PCDHGB5: variants seen among roughly 807,000 people sequenced by gnomAD.
PCDHGB5 encodes protocadherin gamma subfamily B, 5.
Under a neutral mutation model 62.9 loss-of-function variants are expected in PCDHGB5, and 48 were observed. The observed-to-expected ratio is 0.76, with a 90% CI of 0.61 to 0.97. The LOEUF is 0.97. PCDHGB5 is among the 50% of genes least tolerant of loss of function. The pLI, the probability that PCDHGB5 is intolerant of heterozygous loss-of-function variation, is 0.00. For synonymous variants in PCDHGB5, 474 were observed against 511.2 expected, an observed-to-expected ratio of 0.93 and a Z score of 0.98; for missense variants, 1,118 against 1,198.6, an observed-to-expected ratio of 0.93 and a Z score of 0.99.
chr5:141,419,402 T>G (rs2096376244), intron 1 of PCDHGB5: 1 of 1,613,378 alleles, frequency 6.2e-7, no homozygotes, highest in African/African-American at 1.3e-5. Flanking sequence ...CGGGGTGGTG[T>G]TCGCGCAGCG....
At position 141,490,857 on chromosome 5, in the gene PCDHGB5, C is replaced by G; in HGVS notation, c.2398-3950C>G. 6.2e-7 allele frequency: 1 copy of G among 1,613,832 alleles called. No homozygotes were observed. Among genetic ancestry groups the G allele is most frequent in the Admixed American group, 1.7e-5 (1 of 60,012 alleles). On this transcript the variant is annotated intron_variant, in intron 1 of 3. Coordinates refer to ENST00000617380, the MANE Select transcript of PCDHGB5 (RefSeq NM_018925.3). The surrounding 1 kb of genome is among the most constrained non-coding windows in gnomAD (Gnocchi z 5.4). ...AGATTGTGGTGGGGGTTCGAGACTCCGGCTCTCCCCCATTGCATGCCAACA... is the reference window on the plus strand; with the variant it reads ...AGATTGTGGTGGGGGTTCGAGACTCGGGCTCTCCCCCATTGCATGCCAACA...
chr5:141,417,896 C>G, intron 1 of PCDHGB5: 1 of 1,576,868 alleles, frequency 6.3e-7, no homozygotes, highest in Non-Finnish European at 8.6e-7. Flanking sequence ...CCGGGCCGGC[C>G]CGCGGCAGGT....
chr5:141,408,738 C>T, intron 1 of PCDHGB5: 2 of 1,609,632 alleles, frequency 1.2e-6, no homozygotes, highest in Non-Finnish European at 1.7e-6. Flanking sequence ...CCTTATTTTT[C>T]ATTAATGGTT....
At chr5:141,455,860 ATTATTTATTTATTTATTTAT>A (rs145569377) in intron 1 of PCDHGB5, among the ~76,000 whole-genome samples, 117 of 139,848 alleles carry the variant, frequency 8.4e-4, no homozygotes, top group Non-Finnish European at 9.4e-4. Flanking sequence ...AATTTCTTTT[ATTATTTATTTATTTATTTAT>A]TTATTTATTT....
intron 1 of PCDHGB5, chr5:141,478,333 G>T: frequency 6.2e-7 from 1 of 1,613,928 alleles, no homozygotes; most frequent in Non-Finnish European, 8.5e-7. Context: ...GAACACCAGG[G>T]CCCTCCTTGC....
chr5:141,487,348 C>T lies in PCDHGB5; in HGVS notation c.2398-7459C>T, dbSNP rs929693998. ...GTGGGGCAGCCTGTGGAGTCACATG[C>T]TTTCCTGCTGGCACCTGTGCCTGTC... On this transcript the variant is annotated intron_variant, in intron 1 of 3. Coordinates refer to ENST00000617380, the MANE Select transcript of PCDHGB5 (RefSeq NM_018925.3). The surrounding 1 kb of genome is among the most constrained non-coding windows in gnomAD (Gnocchi z 5.0). The T allele has an allele frequency of 2.5e-6, 4 of 1,614,080 alleles. No homozygotes were observed. The highest frequency in any genetic ancestry group is 2.2e-5 in the East Asian group (1 of 44,882).
chr5:141,409,438 A>G (rs1459982502), intron 1 of PCDHGB5: 2 of 1,613,984 alleles, frequency 1.2e-6, no homozygotes, highest in Non-Finnish European at 1.7e-6. Flanking sequence ...CCCTGGACCG[A>G]GAGCAGACAC....
At chr5:141,418,665 A>T in intron 1 of PCDHGB5, 1 of 1,614,070 alleles carries the variant, frequency 6.2e-7, no homozygotes, top group Non-Finnish European at 8.5e-7. Context: ...GCCACTGACC[A>T]GGACGAGGGC....
At chr5:141,421,316 G>A in intron 1 of PCDHGB5, 1 of 1,613,866 alleles carries the variant, frequency 6.2e-7, no homozygotes, top group Non-Finnish European at 8.5e-7. Flanking sequence ...TTCCGGGCCA[G>A]GCAGATCCGA....
At chr5:141,430,076 T>C (rs2097260023) in intron 1 of PCDHGB5, among the ~76,000 whole-genome samples, 1 of 152,208 alleles carries the variant, frequency 6.6e-6, no homozygotes, top group South Asian at 2.1e-4. Context: ...GTTTCCATAA[T>C]ATCATGAAAA....
chr5:141,509,320 C>T (rs1261653347), intron 3 of PCDHGB5, among the ~76,000 whole-genome samples: 2 of 152,194 alleles, frequency 1.3e-5, no homozygotes, highest in East Asian at 3.8e-4. Flanking sequence ...GGGAGAGAAG[C>T]TCTACTGCCA....
In PCDHGB5 at chr5:141,397,949, A is replaced by AGCCCCAGCTCAGAC. The variant is rs1391996511; in HGVS notation, c.-178_-165dup. ...GCAGCCGCAGCGCGCTTTCCAGGGCAGCCCCAGCTCAGACTCCCCAGCGCC... is the reference window on the plus strand; with the variant it reads ...GCAGCCGCAGCGCGCTTTCCAGGGCAGCCCCAGCTCAGACGCCCCAGCTCAGACTCCCCAGCGCC... On this transcript the variant is annotated 5_prime_UTR_variant, in exon 1 of 4. Coordinates refer to ENST00000617380, the MANE Select transcript of PCDHGB5 (RefSeq NM_018925.3). The AGCCCCAGCTCAGAC allele has an allele frequency of 1.1e-6, 1 of 916,660 alleles. No individual in the cohort carries two copies. The highest frequency in any genetic ancestry group is 1.6e-6 in the Non-Finnish European group (1 of 618,866). The allele number at this position is 916,660 out of a possible 1,614,324, so 56.8% of individuals were successfully genotyped here.
At chr5:141,421,828 C>T in intron 1 of PCDHGB5, 1 of 1,613,796 alleles carries the variant, frequency 6.2e-7, no homozygotes, top group Non-Finnish European at 8.5e-7. Context: ...GGAGGGAAGC[C>T]TGGACCGAGA....
chr5:141,453,931 G>T (rs61228273), intron 1 of PCDHGB5, among the ~76,000 whole-genome samples: 2 of 152,306 alleles, frequency 1.3e-5, no homozygotes, highest in African/African-American at 4.8e-5. Flanking sequence ...GTCACTGTGT[G>T]CCTATAATTT....
intron 1 of PCDHGB5, chr5:141,410,775 T>A: frequency 1.0e-6 from 1 of 998,978 alleles, no homozygotes. Flanking sequence ...TAGTTTTCAC[T>A]ATGTATTTGG....
At chr5:141,419,051 T>A (rs1007349455) in intron 1 of PCDHGB5, 6 of 1,613,950 alleles carry the variant, frequency 3.7e-6, no homozygotes, top group East Asian at 2.2e-5. Context: ...TCATTCTTCT[T>A]CTAATAATTA....
At position 141,399,115 on chromosome 5, in the gene PCDHGB5, G is replaced by C; in HGVS notation, c.988G>C (p.Glu330Gln). ...TGGACTGGTTGCACAATGTACAGTT[G>C]AAATTAATATTCAAGATGAAAATGA... ...GGGLVAQCTV[E>Q]INIQDENDNS... Residue 330 changes from glutamate (E) to glutamine (Q), a missense_variant, in exon 1 of 4, where the codon GAA becomes CAA. Glu to Gln is a conservative substitution (Grantham distance 29, BLOSUM62 2). This residue lies in a region of PCDHGB5 where 1,034 missense variants were observed against 1,029.1 expected (regional missense o/e 1.00). Transcript: ENST00000617380. 6.2e-7 allele frequency: 1 copy of C among 1,613,814 alleles called. No homozygotes were observed. The highest frequency in any genetic ancestry group is 8.5e-7 in the Non-Finnish European group (1 of 1,179,874).
At chr5:141,414,640 G>A (rs1035735674) in intron 1 of PCDHGB5, 2 of 1,613,838 alleles carry the variant, frequency 1.2e-6, no homozygotes, top group Non-Finnish European at 1.7e-6. Flanking sequence ...CAAAGAGAAT[G>A]CCCAGATTAT....
At position 141,399,412 on chromosome 5, in the gene PCDHGB5, T is replaced by C. The variant is rs1473017519; in HGVS notation, c.1285T>C (p.Ser429Pro). The C allele has an allele frequency of 1.9e-6, 3 of 1,613,948 alleles. No homozygotes were observed. Among genetic ancestry groups the C allele is most frequent in the East Asian group, 4.5e-5 (2 of 44,872 alleles). The change falls in exon 1 of 4, where the codon TCC becomes CCC. Residue 429 changes from serine to proline, a missense_variant. By Grantham distance (74) the Ser-to-Pro change is moderately conservative. Transcript: ENST00000617380. The stretch of plus-strand genomic sequence containing the variant: ...CACAGACAGGGGCAAGCCGCCCCTC[T>C]CCTCCAGCATAAGCGTCATCCTACA... ...TATDRGKPPLSSSISVILHIR... is the reference protein window; with the variant it reads ...TATDRGKPPLPSSISVILHIR...
Sources: allele counts gnomAD v4.1 joint callset (sites outside exome capture counted in the v4.1 genomes callset), GRCh38; gene constraint gnomAD v4.1.1; regional missense constraint gnomAD v4.1.1; non-coding constraint Gnocchi (gnomAD v3.1); transcripts MANE v1.5; gene names NCBI Gene and HGNC (gene_info 2026-07-23, HGNC 2026-07-21).